The following GABRG3 variants were observed in gnomAD, a reference collection of about 807,000 sequenced individuals.
GABRG3 encodes the protein gamma-aminobutyric acid receptor subunit gamma-3.
In GABRG3, 25 loss-of-function variants were observed where a neutral mutation model predicts 48.8. That is an observed-to-expected ratio of 0.51 (90% CI 0.37 to 0.72). The LOEUF is 0.72. Among genes scored for constraint, GABRG3 ranks in the 30% least tolerant of loss-of-function variants. The probability of loss-of-function intolerance (pLI) is 0.00; values close to 1 mark genes in which losing one functional copy is unlikely to be tolerated. For missense variants in GABRG3, 394 were observed against 577.9 expected (o/e 0.68, Z 3.26); for synonymous variants, 227 against 217.6 (o/e 1.04, Z -0.38).
intron 5 of GABRG3, among the ~76,000 whole-genome samples, chr15:27,387,005 C>G (rs1420328909): frequency 6.6e-6 from 1 of 152,148 alleles, no homozygotes; most frequent in Non-Finnish European, 1.5e-5. Flanking sequence ...CTTTTTAAAA[C>G]TTTTCATTTA....
chr15:27,321,202 C>A (rs933273448), intron 3 of GABRG3, among the ~76,000 whole-genome samples: 1 of 152,246 alleles, frequency 6.6e-6, no homozygotes, highest in Non-Finnish European at 1.5e-5. Context: ...TGGTGCGGGG[C>A]CTTCACAGGG....
At chr15:27,084,516 T>A (rs1292587789) in intron 3 of GABRG3, among the ~76,000 whole-genome samples, 1 of 152,232 alleles carries the variant, frequency 6.6e-6, no homozygotes, top group Admixed American at 6.5e-5. Context: ...CTGAGAAGAC[T>A]GGTCCTGGTG....
chr15:27,440,390 C>T lies in GABRG3; in HGVS notation c.575-40260C>T, dbSNP rs548788719. Among the ~76,000 whole-genome samples, 21 of 152,260 alleles carry T rather than the reference C, an allele frequency of 1.4e-4. No homozygotes were observed. In the South Asian group the frequency reaches 3.7e-3, roughly 27 times the overall value. On this transcript the variant is annotated intron_variant, in intron 5 of 9. Coordinates refer to ENST00000615808, the MANE Select transcript of GABRG3 (RefSeq NM_033223.5). The stretch of plus-strand genomic sequence containing the variant: ...TTCATCAGTGAACCTTTTTTCTCCA[C>T]CAAGCTAGGCATATTGGTGAACCAT...
At chr15:27,197,801 A>T (rs1009187017) in intron 3 of GABRG3, among the ~76,000 whole-genome samples, 2 of 152,090 alleles carry the variant, frequency 1.3e-5, no homozygotes, top group Non-Finnish European at 2.9e-5. Flanking sequence ...TTATTGGTCT[A>T]TTCAGGGAGT....
intron 3 of GABRG3, among the ~76,000 whole-genome samples, chr15:27,057,466 A>G (rs993483178): frequency 2.0e-5 from 3 of 152,152 alleles, no homozygotes; most frequent in African/African-American, 7.2e-5. Context: ...GATTTATTAA[A>G]ACAAAAACAT....
At chr15:27,217,013 T>C (rs905847869) in intron 3 of GABRG3, among the ~76,000 whole-genome samples, 1 of 141,958 alleles carries the variant, frequency 7.0e-6, no homozygotes, top group African/African-American at 2.6e-5. Flanking sequence ...CACCTATGAG[T>C]GAGAATATGC....
chr15:27,525,548 A>G (rs967415920), intron 7 of GABRG3, among the ~76,000 whole-genome samples: 1 of 152,118 alleles, frequency 6.6e-6, no homozygotes, highest in Admixed American at 6.6e-5. Flanking sequence ...AGTGGGGAGG[A>G]TAAAGCACAC....
chr15:27,510,648 T>C (rs201650080), intron 6 of GABRG3, among the ~76,000 whole-genome samples: 1 of 152,382 alleles, frequency 6.6e-6, no homozygotes, highest in East Asian at 1.9e-4. Context: ...TCTAGCTGAA[T>C]AAAGTTACTG....
chr15:27,169,339 A>T (rs1566953352), intron 3 of GABRG3, among the ~76,000 whole-genome samples: 2 of 152,000 alleles, frequency 1.3e-5, no homozygotes, highest in Non-Finnish European at 2.9e-5. Context: ...CTTCCTGGGG[A>T]GGGAGGAGGA....
intron 2 of GABRG3, among the ~76,000 whole-genome samples, chr15:26,979,809 A>C (rs984599111): frequency 6.6e-6 from 1 of 152,120 alleles, no homozygotes; most frequent in Non-Finnish European, 1.5e-5. Flanking sequence ...TTGCATGTCT[A>C]TGTTTAAGGG....
intron 3 of GABRG3, among the ~76,000 whole-genome samples, chr15:27,303,465 G>GT (rs1339094209): frequency 6.6e-6 from 1 of 151,478 alleles, no homozygotes; most frequent in Non-Finnish European, 1.5e-5. Context: ...TTAAAAAAAT[G>GT]TTTTAAAAAC....
chr15:27,279,788 T>G (rs1053339581), intron 3 of GABRG3, among the ~76,000 whole-genome samples: 3 of 152,314 alleles, frequency 2.0e-5, no homozygotes, highest in African/African-American at 7.2e-5. Context: ...TACATTTTTA[T>G]AGCTATGGGA....
chr15:27,334,157 C>T (rs918540453), intron 5 of GABRG3, among the ~76,000 whole-genome samples: 5 of 152,050 alleles, frequency 3.3e-5, no homozygotes, highest in South Asian at 2.1e-4. Context: ...TTTAACTAAA[C>T]GATGCAATAT....
At position 27,052,435 on chromosome 15, in the gene GABRG3, A is replaced by G. The variant is rs769969158; in HGVS notation, c.270+25614A>G. On this transcript the variant is annotated intron_variant, in intron 3 of 9. Transcript: ENST00000615808. The stretch of plus-strand genomic sequence containing the variant: ...GAAAAACTTGGCATTCTGTGGGCCA[A>G]TGTGGAGTGTTAGGCCTGGAGAATC... 7.9e-5 allele frequency among the ~76,000 whole-genome samples: 12 copies of G among 152,196 alleles called. No homozygotes were observed. In the East Asian group the frequency reaches 1.2e-3, roughly 15 times the overall value.
chr15:27,236,486 T>C lies in GABRG3; in HGVS notation c.271-90323T>C, dbSNP rs1168033920. Reference sequence around the variant, plus strand: ...CCTCAGTAACCTTTCACCAGAATTCTCTCTAAGCAGGAAGCAGAAACCAGC... The same window carrying C: ...CCTCAGTAACCTTTCACCAGAATTCCCTCTAAGCAGGAAGCAGAAACCAGC... On this transcript the variant is annotated intron_variant, in intron 3 of 9. Transcript: ENST00000615808. This position sits in a 1 kb window ranked among gnomAD's most constrained non-coding sequence, Gnocchi z 4.4. Among the ~76,000 whole-genome samples, 1 of 152,214 alleles carries C rather than the reference T, an allele frequency of 6.6e-6. No homozygotes were observed. Among genetic ancestry groups the C allele is most frequent in the Non-Finnish European group, 1.5e-5 (1 of 68,026 alleles).
intron 3 of GABRG3, among the ~76,000 whole-genome samples, chr15:27,125,077 A>G (rs1352413100): frequency 6.6e-6 from 1 of 152,158 alleles, no homozygotes; most frequent in African/African-American, 2.4e-5. Context: ...AAACATTTTA[A>G]TTTAATTATA....
chr15:27,004,534 C>A (rs2140660723), intron 2 of GABRG3, among the ~76,000 whole-genome samples: 1 of 152,228 alleles, frequency 6.6e-6, no homozygotes, highest in Middle Eastern at 3.4e-3. Flanking sequence ...CTCCTCACTT[C>A]CCAGACGGGG....
At chr15:27,428,655 C>T (rs1357300033) in intron 5 of GABRG3, among the ~76,000 whole-genome samples, 1 of 152,120 alleles carries the variant, frequency 6.6e-6, no homozygotes, top group Non-Finnish European at 1.5e-5. Flanking sequence ...CCAGTTTAAC[C>T]TGATATTTTC....
At chr15:27,511,976 G>A (rs995450493) in intron 6 of GABRG3, among the ~76,000 whole-genome samples, 9 of 152,182 alleles carry the variant, frequency 5.9e-5, no homozygotes, top group African/African-American at 2.2e-4. Flanking sequence ...AAGTGTGTGG[G>A]GGACAGCAGA....
Sources: gnomAD v4.1 joint callset for allele counts (sites outside exome capture counted in the v4.1 genomes callset) on GRCh38, gnomAD v4.1.1 for gene constraint, Gnocchi (gnomAD v3.1) non-coding constraint, MANE v1.5 for transcripts, NCBI Gene and HGNC (gene_info 2026-07-23, HGNC 2026-07-21) for gene names.